Variants in TMEM178B observed in about 807,000 individuals in gnomAD.
TMEM178B encodes transmembrane protein 178B.
A neutral mutation model predicts 31.0 loss-of-function variants in TMEM178B; 5 were observed. That is an observed-to-expected ratio of 0.16 (90% confidence interval 0.08 to 0.34). TMEM178B has a LOEUF of 0.34. Ranked by LOEUF, TMEM178B falls within the 10% of genes least tolerant of loss-of-function variation. The pLI, the probability that TMEM178B is intolerant of heterozygous loss-of-function variation, is 1.00. For missense variants in TMEM178B, 275 were observed against 400.3 expected (o/e 0.69, Z 2.67); for synonymous variants, 164 against 164.0 (o/e 1.00, Z 0.00).
At position 141,478,570 on chromosome 7, in the gene TMEM178B, G is replaced by A. The variant is rs1303929521; in HGVS notation, c.*7784G>A. ...GTAGCCACATTTTTTAAAGTCCAAA[G>A]AAACAGCTAAAATCAGTGAAATTAA... On this transcript the variant is annotated 3_prime_UTR_variant, in exon 4 of 4. Transcript: ENST00000565468. 6.6e-6 allele frequency: 1 copy of A among 152,144 alleles called. No individual in the cohort carries two copies. Among genetic ancestry groups the A allele is most frequent in the Non-Finnish European group, 1.5e-5 (1 of 68,024 alleles). The allele number at this position is 152,144 out of a possible 1,614,324, so 9.4% of individuals were successfully genotyped here. A position where few individuals can be genotyped will look rare whatever the true frequency, so the allele number is the denominator to read the frequency against.
intron 2 of TMEM178B, among the ~76,000 whole-genome samples, chr7:141,257,866 T>C (rs1586854549): frequency 6.6e-6 from 1 of 152,018 alleles, no homozygotes; most frequent in African/African-American, 2.4e-5. Context: ...CCATTGGCAG[T>C]TTTGCTATTT....
intron 2 of TMEM178B, among the ~76,000 whole-genome samples, chr7:141,225,425 AG>A (rs1797325725): frequency 7.8e-6 from 1 of 127,600 alleles, no homozygotes; most frequent in African/African-American, 3.0e-5. Context: ...CTATCACAAC[AG>A]GAATTTTTTT....
intron 1 of TMEM178B, among the ~76,000 whole-genome samples, chr7:141,096,413 A>T (rs1794961627): frequency 6.6e-6 from 1 of 152,140 alleles, no homozygotes; most frequent in Non-Finnish European, 1.5e-5. Flanking sequence ...TTCTCTCTGG[A>T]TGCTAATATT....
At chr7:141,262,726 C>A (rs2116363608) in intron 2 of TMEM178B, among the ~76,000 whole-genome samples, 1 of 152,132 alleles carries the variant, frequency 6.6e-6, no homozygotes, top group East Asian at 1.9e-4. Flanking sequence ...GACGACAATG[C>A]AATTTAAAGG....
intron 1 of TMEM178B, among the ~76,000 whole-genome samples, chr7:141,161,002 CAT>C (rs1367575820): frequency 1.8e-4 from 27 of 152,184 alleles, no homozygotes; most frequent in South Asian, 4.1e-4. Context: ...GGATTACAGG[CAT>C]GCACCACCAT....
At chr7:141,484,977 T>C (rs766857923), downstream of TMEM178B, among the ~76,000 whole-genome samples, 60 of 152,230 alleles carry the variant, frequency 3.9e-4, no homozygotes, top group Non-Finnish European at 7.2e-4. This position sits in a 1 kb window ranked among gnomAD's most constrained non-coding sequence, Gnocchi z 4.8. Flanking sequence ...CTAATGTCCA[T>C]AGAAAAACCC....
At chr7:141,509,813 C>T in the TMEM178B span, among the ~76,000 whole-genome samples, 12 of 152,196 alleles carry the variant, frequency 7.9e-5, no homozygotes, top group African/African-American at 1.9e-4. Flanking sequence ...TACAGATGCT[C>T]GGAAACACTG....
intron 2 of TMEM178B, among the ~76,000 whole-genome samples, chr7:141,409,716 T>A (rs1423270449): frequency 6.6e-6 from 1 of 151,386 alleles, no homozygotes; most frequent in Non-Finnish European, 1.5e-5. Flanking sequence ...GCTTGTCCTT[T>A]TTGACTGTCT....
At chr7:141,076,950 G>C (rs1794609436) in intron 1 of TMEM178B, among the ~76,000 whole-genome samples, 2 of 152,156 alleles carry the variant, frequency 1.3e-5, no homozygotes, top group Admixed American at 1.3e-4. Context: ...AATCTTGAGA[G>C]AGTTAAGGTC....
chr7:141,095,470 A>G (rs930642900), intron 1 of TMEM178B, among the ~76,000 whole-genome samples: 20 of 151,834 alleles, frequency 1.3e-4, no homozygotes, highest in Non-Finnish European at 2.9e-5. Flanking sequence ...GACCAATTTT[A>G]TTTTTTCAAA....
chr7:141,127,045 G>T (rs1795509923), intron 1 of TMEM178B, among the ~76,000 whole-genome samples: 1 of 152,180 alleles, frequency 6.6e-6, no homozygotes, highest in South Asian at 2.1e-4. Context: ...GCCATCAGCA[G>T]TGAATACCAG....
chr7:141,471,567 T>C lies in TMEM178B; in HGVS notation c.*781T>C, dbSNP rs1161836003. On this transcript the variant is annotated 3_prime_UTR_variant, in exon 4 of 4. Coordinates refer to ENST00000565468, the MANE Select transcript of TMEM178B (RefSeq NM_001195278.2). The surrounding 1 kb of genome is among the most constrained non-coding windows in gnomAD (Gnocchi z 4.1). ...TTGGAGTCATGCTGTGATGTGTGTG[T>C]GTGGGTGTGCGTGCATGTGTACTTT... 3 of 152,428 alleles carry C rather than the reference T, an allele frequency of 2.0e-5. No individual in the cohort carries two copies. The highest frequency in any genetic ancestry group is 4.4e-5 in the Non-Finnish European group (3 of 68,148). 9.4% of individuals were successfully genotyped at this position (152,428 alleles called of 1,614,324 possible).
chr7:141,333,659 T>C (rs1799333827), intron 2 of TMEM178B, among the ~76,000 whole-genome samples: 3 of 152,204 alleles, frequency 2.0e-5, no homozygotes, highest in Non-Finnish European at 2.9e-5. Flanking sequence ...ACCCAGACTC[T>C]GTCCATGGTG....
At chr7:141,188,522 C>G (rs1339856574) in intron 1 of TMEM178B, among the ~76,000 whole-genome samples, 1 of 152,172 alleles carries the variant, frequency 6.6e-6, no homozygotes, top group Non-Finnish European at 1.5e-5. Context: ...AGAGACTTGC[C>G]CAGTTATACA....
intron 1 of TMEM178B, among the ~76,000 whole-genome samples, chr7:141,160,664 G>A (rs1276157149): frequency 1.3e-5 from 2 of 152,058 alleles, no homozygotes; most frequent in African/African-American, 2.4e-5. Flanking sequence ...TATTGAGAGC[G>A]GGCACATGGG....
At chr7:141,367,338 G>A (rs971140690) in intron 2 of TMEM178B, among the ~76,000 whole-genome samples, 16 of 151,430 alleles carry the variant, frequency 1.1e-4, no homozygotes, top group African/African-American at 2.4e-4. Flanking sequence ...ACATGATCTC[G>A]ATTCACTGTA....
chr7:141,442,626 T>C (rs926040533), intron 3 of TMEM178B, among the ~76,000 whole-genome samples: 1 of 152,214 alleles, frequency 6.6e-6, no homozygotes, highest in African/African-American at 2.4e-5. Context: ...CCTGGAGTGA[T>C]CTGACTGCTT....
chr7:141,165,338 T>C (rs753046033), intron 1 of TMEM178B, among the ~76,000 whole-genome samples: 5 of 152,224 alleles, frequency 3.3e-5, no homozygotes, highest in South Asian at 2.1e-4. Flanking sequence ...AGGCATTGCA[T>C]AGAAAGCTCT....
intron 2 of TMEM178B, among the ~76,000 whole-genome samples, chr7:141,342,225 G>C (rs1284718464): frequency 1.3e-5 from 2 of 152,196 alleles, no homozygotes. Flanking sequence ...TGGGATTACA[G>C]GCATGAGCCA....
Sources: allele counts gnomAD v4.1 joint callset (sites outside exome capture counted in the v4.1 genomes callset), GRCh38; gene constraint gnomAD v4.1.1; non-coding constraint Gnocchi (gnomAD v3.1); transcripts MANE v1.5; gene names NCBI Gene and HGNC (gene_info 2026-07-23, HGNC 2026-07-21).